HIC2: variants seen among roughly 807,000 people sequenced by gnomAD.
HIC2 encodes the protein HIC ZBTB transcriptional repressor 2.
In HIC2, 2 loss-of-function variants were observed where a neutral mutation model predicts 39.5. That is an observed-to-expected ratio of 0.05 (90% confidence interval 0.02 to 0.16). The LOEUF is 0.16. HIC2 is among the 10% of genes least tolerant of loss of function. HIC2 has a pLI of 1.00. For missense variants in HIC2, 713 were observed against 863.5 expected (o/e 0.83, Z 2.18); for synonymous variants, 399 against 368.8 (o/e 1.08, Z -0.94).
rs1923895522 is a variant in HIC2 at position 21,447,138 on chromosome 22, C to G, written c.*395C>G. 3.4e-5 allele frequency: 8 copies of G among 234,750 alleles called. No individual in the cohort carries two copies. In the South Asian group the frequency reaches 5.4e-4, roughly 16 times the overall value. The allele number at this position is 234,750 out of a possible 1,614,324, so 14.5% of individuals were successfully genotyped here. A position where few individuals can be genotyped will look rare whatever the true frequency, so the allele number is the denominator to read the frequency against. On this transcript the variant is annotated 3_prime_UTR_variant, in exon 3 of 3. Coordinates refer to ENST00000407464, the MANE Select transcript of HIC2 (RefSeq NM_015094.3). ...GCAGGCCTCACCCCGCTGGCCGTGT[C>G]TGTGTGTGTGCACGTGTGCTTGTGT... is the stretch of plus-strand genomic sequence containing the variant.
chr22:21,450,079 T>C lies in HIC2; in HGVS notation c.*3336T>C, dbSNP rs1924084345. On this transcript the variant is annotated 3_prime_UTR_variant, in exon 3 of 3. Coordinates refer to ENST00000407464, the MANE Select transcript of HIC2 (RefSeq NM_015094.3). ...ACCAACATAGACGGTGCAAACACTCTTAACAGTGTTGTTTTTGTATCAATA... is the reference window on the plus strand; with the variant it reads ...ACCAACATAGACGGTGCAAACACTCCTAACAGTGTTGTTTTTGTATCAATA... 1 of 152,812 alleles carries C rather than the reference T, an allele frequency of 6.5e-6. No homozygotes were observed. Among genetic ancestry groups the C allele is most frequent in the Admixed American group, 6.5e-5 (1 of 15,296 alleles). The allele number at this position is 152,812 out of a possible 1,614,324, so 9.5% of individuals were successfully genotyped here. A position where few individuals can be genotyped will look rare whatever the true frequency, so the allele number is the denominator to read the frequency against.
chr22:21,445,984 AGAGGAGGGT>A lies in HIC2; in HGVS notation c.1094_1102del (p.Glu365_Glu367del), dbSNP rs1221930098. 6.4e-7 allele frequency: 1 copy of A among 1,563,148 alleles called. No homozygotes were observed. The highest frequency in any genetic ancestry group is 8.6e-7 in the Non-Finnish European group (1 of 1,156,634). On this transcript the variant is annotated inframe_deletion, in exon 3 of 3. Transcript: ENST00000407464. ...CAGGGCCCAAGGGTCCCTGCCCGGGAGAGGAGGGTGAGGGGGTCGGGGACAGGGTTCCCA... is the reference window on the plus strand; with the variant it reads ...CAGGGCCCAAGGGTCCCTGCCCGGGAGAGGGGGTCGGGGACAGGGTTCCCA...
In HIC2 at chr22:21,449,885, C is replaced by A. The variant is rs535586798; in HGVS notation, c.*3142C>A. 5 of 152,860 alleles carry A rather than the reference C, an allele frequency of 3.3e-5. No homozygotes were observed. Among genetic ancestry groups the A allele is most frequent in the African/African-American group, 7.2e-5 (3 of 41,596 alleles). 9.5% of individuals were successfully genotyped at this position (152,860 alleles called of 1,614,324 possible). A position where few individuals can be genotyped will look rare whatever the true frequency, so the allele number is the denominator to read the frequency against. On this transcript the variant is annotated 3_prime_UTR_variant, in exon 3 of 3. Transcript: ENST00000407464. ...ACAGGACCCGAGTCTGGGCTTGGGT[C>A]CCCCTGCTGCTCTGCCCGTGACCCT...
chr22:21,446,150 G>T lies in HIC2; in HGVS notation c.1255G>T (p.Gly419Cys). ...GCAGAGCGGGAGCGAGGGGGGCAGC[G>T]GCCATGCCAGCGCCCACTACATGTA... Reference protein sequence around the residue: ...SAQSGSEGGSGHASAHYMYRQ... With the variant: ...SAQSGSEGGSCHASAHYMYRQ... Residue 419 changes from glycine (G) to cysteine (C), a missense_variant, in exon 3 of 3, where the codon GGC becomes TGC. Physicochemically the swap from Gly to Cys is radical, Grantham distance 159. This residue lies in a region of HIC2 where 457 missense variants were observed against 420.2 expected (regional missense o/e 1.09). Coordinates refer to ENST00000407464, the MANE Select transcript of HIC2 (RefSeq NM_015094.3). 6.2e-7 allele frequency: 1 copy of T among 1,609,006 alleles called. No individual in the cohort carries two copies. The highest frequency in any genetic ancestry group is 8.5e-7 in the Non-Finnish European group (1 of 1,179,922).
At chr22:21,443,604 C>T (rs1174644747) in intron 2 of HIC2, among the ~76,000 whole-genome samples, 2 of 152,120 alleles carry the variant, frequency 1.3e-5, no homozygotes, top group Non-Finnish European at 2.9e-5. Flanking sequence ...CCCCGCTGCT[C>T]GGTTGTCCGT....
intron 1 of HIC2, among the ~76,000 whole-genome samples, chr22:21,425,685 C>T (rs1289509270): frequency 7.6e-5 from 11 of 145,450 alleles, no homozygotes; most frequent in South Asian, 4.6e-4. Context: ...GGATTACAGG[C>T]GCCTGCCACC....
At chr22:21,425,573 G>T (rs1327363329) in intron 1 of HIC2, among the ~76,000 whole-genome samples, 53 of 37,544 alleles carry the variant, frequency 1.4e-3, no homozygotes, top group Admixed American at 2.4e-3. Context: ...ACGGAGTCTT[G>T]CCCTGTCGCC....
At chr22:21,443,811 T>G (rs1245924811) in intron 2 of HIC2, among the ~76,000 whole-genome samples, 3 of 152,160 alleles carry the variant, frequency 2.0e-5, no homozygotes, top group Non-Finnish European at 4.4e-5. Context: ...GGAGTTGGGC[T>G]TAGGGCTGAG....
At chr22:21,432,600 C>T (rs1214931171) in intron 1 of HIC2, among the ~76,000 whole-genome samples, 139 of 113,988 alleles carry the variant, frequency 1.2e-3, no homozygotes, top group African/African-American at 4.8e-3. Flanking sequence ...CGCTTGAACC[C>T]GGGAGGCGGA....
At chr22:21,426,326 C>A (rs1422146951) in intron 1 of HIC2, among the ~76,000 whole-genome samples, 1 of 106,886 alleles carries the variant, frequency 9.4e-6, no homozygotes, top group Non-Finnish European at 1.9e-5. Flanking sequence ...CATGCGCCAC[C>A]ACAGCCAGCT....
At position 21,425,542 on chromosome 22, in the gene HIC2, C is replaced by CTTT. The variant is rs1207096707; in HGVS notation, c.-74+7997_-74+7999dup. 2.6e-4 allele frequency among the ~76,000 whole-genome samples: 16 copies of CTTT among 60,622 alleles called. 2 individuals carry two copies. The highest frequency in any genetic ancestry group is 5.5e-4 in the Non-Finnish European group (13 of 23,810). 39.8% of individuals were successfully genotyped at this position (60,622 alleles called of 152,430 possible). ...CGCCACCACGCCTGGTTAATTTTTT[C>CTTT]TTTTTTTTTTTTTTTTTGAGACGGA... On this transcript the variant is annotated intron_variant, in intron 1 of 2. Transcript: ENST00000407464.
chr22:21,446,710 C>T lies in HIC2; in HGVS notation c.1815C>T (p.Ile605=), dbSNP rs554402108. Residue 605 remains isoleucine, a synonymous_variant, in exon 3 of 3, where the codon ATC becomes ATT. Transcript: ENST00000407464. ...GGKFTQQRNL[I]SHLRMHTSPS ...AGTTCACCCAGCAGCGCAACCTCAT[C>T]AGCCACCTGCGCATGCACACCTCCC... is the stretch of plus-strand genomic sequence containing the variant. 73 of 1,610,612 alleles carry T rather than the reference C, an allele frequency of 4.5e-5. No homozygotes were observed. The South Asian group carries it at 7.2e-4, about 16-fold the overall frequency.
At chr22:21,444,748 G>A (rs1003209850) in intron 2 of HIC2, among the ~76,000 whole-genome samples, 174 bp from the exon 3 acceptor site, 4 of 152,212 alleles carry the variant, frequency 2.6e-5, no homozygotes, top group South Asian at 2.1e-4. Flanking sequence ...CGTGTACTGC[G>A]CCTGCATGTG....
chr22:21,443,797 C>T (rs867838610), intron 2 of HIC2, among the ~76,000 whole-genome samples: 4 of 152,150 alleles, frequency 2.6e-5, no homozygotes, highest in South Asian at 2.1e-4. Flanking sequence ...GCGTTTTGTA[C>T]TGGGGAGTTG....
At chr22:21,432,098 G>T (rs1923335347) in intron 1 of HIC2, among the ~76,000 whole-genome samples, 1 of 124,342 alleles carries the variant, frequency 8.0e-6, no homozygotes, top group Non-Finnish European at 1.7e-5. Context: ...GGCACTGGGG[G>T]GTTTGTGTGT....
chr22:21,451,214 C>T lies in HIC2; in HGVS notation c.*4471C>T, dbSNP rs1040813610. 2.6e-5 allele frequency: 4 copies of T among 152,640 alleles called. No homozygotes were observed. The highest frequency in any genetic ancestry group is 4.4e-5 in the Non-Finnish European group (3 of 68,026). 9.5% of individuals were successfully genotyped at this position (152,640 alleles called of 1,614,324 possible). ...ATCATGTTTTGTTTTATGCCCTTCCCAGAAGGGGGGAGGGACACCGGGATC... is the reference window on the plus strand; with the variant it reads ...ATCATGTTTTGTTTTATGCCCTTCCTAGAAGGGGGGAGGGACACCGGGATC... On this transcript the variant is annotated 3_prime_UTR_variant, in exon 3 of 3. Transcript: ENST00000407464.
rs464694 is a variant in HIC2, at chr22:21,447,200, C to A, written c.*457C>A. The stretch of plus-strand genomic sequence containing the variant: ...CGTGCAGCCCTGGTTCTGCAGGGAA[C>A]AGGTGCTGGGGGTGCAGATCCCTCC... On this transcript the variant is annotated 3_prime_UTR_variant, in exon 3 of 3. Transcript: ENST00000407464. 0.48 allele frequency: 80,159 copies of A among 167,914 alleles called. 21,216 individuals carry two copies. Among genetic ancestry groups the A allele is most frequent in the Non-Finnish European group, 0.6 (45,889 of 76,822 alleles). 10.4% of individuals were successfully genotyped at this position (167,914 alleles called of 1,614,324 possible).
At position 21,446,482 on chromosome 22, in the gene HIC2, G is replaced by T; in HGVS notation, c.1587G>T (p.Leu529=). Residue 529 remains leucine, a synonymous_variant, in exon 3 of 3, where the codon CTG becomes CTT. Coordinates refer to ENST00000407464, the MANE Select transcript of HIC2 (RefSeq NM_015094.3). ...GGCAGCACGAGAAGACGCACTGGCT[G>T]ACACGGCCCTTCCCCTGCAACATCT... ...TLRQHEKTHW[L]TRPFPCNICG... is the part of the protein sequence containing the mutation. The T allele has an allele frequency of 6.2e-7, 1 of 1,612,610 alleles. No individual in the cohort carries two copies.
At chr22:21,418,025 C>CGG (rs1408429870) in intron 1 of HIC2, among the ~76,000 whole-genome samples, 16 of 147,046 alleles carry the variant, frequency 1.1e-4, no homozygotes, top group African/African-American at 3.7e-4. Flanking sequence ...TCCAGGACTG[C>CGG]GGTCCTGCAC....
Sources: allele counts gnomAD v4.1 joint callset (sites outside exome capture counted in the v4.1 genomes callset), GRCh38; gene constraint gnomAD v4.1.1; regional missense constraint gnomAD v4.1.1; transcripts MANE v1.5; gene names NCBI Gene and HGNC (gene_info 2026-07-23, HGNC 2026-07-21).